Variants in FAM107B observed in about 807,000 individuals in gnomAD.
FAM107B encodes family with sequence similarity 107 member B, also known as protein FAM107B.
Under a neutral mutation model 31.5 loss-of-function variants are expected in FAM107B, and 21 were observed. The observed-to-expected ratio is 0.67, with a 90% CI of 0.47 to 0.96. The LOEUF (loss-of-function observed/expected upper bound fraction) is 0.96, where lower values mean the gene tolerates loss of function less well. Ranked by LOEUF, FAM107B falls within the 40% of genes least tolerant of loss-of-function variation. The probability of loss-of-function intolerance (pLI) is 0.00; values close to 1 mark genes in which losing one functional copy is unlikely to be tolerated. For missense variants in FAM107B, 452 were observed against 377.1 expected (o/e 1.20, Z -1.64); for synonymous variants, 157 against 141.5 (o/e 1.11, Z -0.78).
At chr10:14,723,040 A>G in intron 1 of FAM107B, 1 of 348,754 alleles carries the variant, frequency 2.9e-6, no homozygotes, top group Non-Finnish European at 5.5e-6. Flanking sequence ...TGTGTCTTAT[A>G]TTTAGGTCTT....
At chr10:14,683,397 C>G (rs1190045271) in intron 1 of FAM107B, among the ~76,000 whole-genome samples, 2 of 152,156 alleles carry the variant, frequency 1.3e-5, no homozygotes, top group Non-Finnish European at 2.9e-5. Flanking sequence ...TTGTGTGTTT[C>G]AAGGTTTAGA....
chr10:14,632,416 C>G (rs1853382390), intron 2 of FAM107B, among the ~76,000 whole-genome samples: 1 of 151,328 alleles, frequency 6.6e-6, no homozygotes, highest in Non-Finnish European at 1.5e-5. Context: ...TCGAGACCAT[C>G]CTGATTAACA....
At chr10:14,732,662 G>T (rs991324599) in intron 1 of FAM107B, among the ~76,000 whole-genome samples, 3 of 151,548 alleles carry the variant, frequency 2.0e-5, no homozygotes, top group African/African-American at 7.3e-5. Flanking sequence ...TCTTGCTGAT[G>T]GGAACATAGA....
chr10:14,773,780 C>T (rs192184411), intron 1 of FAM107B, among the ~76,000 whole-genome samples: 1 of 152,184 alleles, frequency 6.6e-6, no homozygotes, highest in Non-Finnish European at 1.5e-5. Flanking sequence ...TGATCATTTC[C>T]AAATTTTTCC....
chr10:14,657,512 C>A (rs1161061170), intron 2 of FAM107B, among the ~76,000 whole-genome samples: 2 of 152,096 alleles, frequency 1.3e-5, no homozygotes. Context: ...CAAATCTTCA[C>A]CCCCACCCCT....
chr10:14,628,108 G>T (rs1853212582), intron 2 of FAM107B, among the ~76,000 whole-genome samples: 1 of 100,440 alleles, frequency 1.0e-5, no homozygotes, highest in Admixed American at 1.0e-4. Context: ...TTTTTGTTTT[G>T]CTGGTTTTTT....
At chr10:14,610,109 C>T (rs1852691001) in intron 2 of FAM107B, among the ~76,000 whole-genome samples, 1 of 152,134 alleles carries the variant, frequency 6.6e-6, no homozygotes, top group Admixed American at 6.5e-5. Context: ...TTCCGGAGGC[C>T]GAGGCGGGTG....
intron 2 of FAM107B, among the ~76,000 whole-genome samples, chr10:14,653,600 G>C (rs1324279682): frequency 6.6e-6 from 1 of 151,912 alleles, no homozygotes; most frequent in African/African-American, 2.4e-5. Context: ...GTTATTTCTA[G>C]CTGTGCAGCC....
intron 1 of FAM107B, among the ~76,000 whole-genome samples, chr10:14,738,384 G>A (rs111526270): frequency 6.6e-5 from 10 of 152,304 alleles, no homozygotes; most frequent in African/African-American, 2.2e-4. Context: ...TAGAGAATCA[G>A]TTATTGACTA....
chr10:14,608,213 T>A (rs1205315183), intron 2 of FAM107B, among the ~76,000 whole-genome samples: 1 of 152,240 alleles, frequency 6.6e-6, no homozygotes, highest in African/African-American at 2.4e-5. Context: ...TGTTTTGACA[T>A]GTATACTCTT....
chr10:14,651,029 T>A (rs1488349532), intron 2 of FAM107B, among the ~76,000 whole-genome samples: 1 of 152,096 alleles, frequency 6.6e-6, no homozygotes, highest in Non-Finnish European at 1.5e-5. Context: ...AAGCAATGCT[T>A]TATTGGCCTC....
intron 2 of FAM107B, among the ~76,000 whole-genome samples, chr10:14,655,013 G>C (rs1410150765): frequency 6.6e-6 from 1 of 152,182 alleles, no homozygotes; most frequent in Non-Finnish European, 1.5e-5. Context: ...AGGTTGATTT[G>C]ACTCATGGTT....
intron 1 of FAM107B, among the ~76,000 whole-genome samples, chr10:14,766,891 T>C (rs1833173235): frequency 6.7e-6 from 1 of 150,116 alleles, no homozygotes; most frequent in Admixed American, 6.7e-5. Context: ...AAAGAATCTT[T>C]CTCAAACTCC....
chr10:14,530,366 C>T lies in FAM107B; in HGVS notation c.619G>A (p.Asp207Asn), dbSNP rs748855567. ...NPVKTSRNHQDLHRELLMNQK... is the reference protein window; with the variant it reads ...NPVKTSRNHQNLHRELLMNQK... ...TTCATAAGAAGTTCTCTGTGAAGAT[C>T]TTGATGGTTCCGGGAGGTTTTTACA... is the stretch of plus-strand genomic sequence containing the variant. Residue 207 changes from aspartate (D) to asparagine (N), a missense_variant, in exon 3 of 5, where the codon GAT becomes AAT. Coordinates refer to ENST00000181796, the MANE Select transcript of FAM107B (RefSeq NM_031453.4). 200 of 1,613,610 alleles carry T rather than the reference C, an allele frequency of 1.2e-4. No individual in the cohort carries two copies. Among genetic ancestry groups the T allele is most frequent in the Non-Finnish European group, 1.6e-4 (188 of 1,179,930 alleles).
intron 1 of FAM107B, among the ~76,000 whole-genome samples, chr10:14,691,922 A>C (rs1179397648): frequency 6.6e-6 from 1 of 150,434 alleles, no homozygotes; most frequent in African/African-American, 2.5e-5. Flanking sequence ...TTAAACTAGG[A>C]GTAGGCAGCA....
intron 1 of FAM107B, among the ~76,000 whole-genome samples, chr10:14,726,223 C>T (rs1856032401): frequency 6.6e-6 from 1 of 152,154 alleles, no homozygotes; most frequent in South Asian, 2.1e-4. Context: ...GAACTCTTGA[C>T]CTCAAGTGAT....
At chr10:14,639,705 C>T (rs886245463) in intron 2 of FAM107B, among the ~76,000 whole-genome samples, 4 of 152,106 alleles carry the variant, frequency 2.6e-5, no homozygotes, top group African/African-American at 7.2e-5. Context: ...ATGGCTTCCA[C>T]GGAGCATAGA....
At chr10:14,688,963 G>T (rs1485202165) in intron 1 of FAM107B, among the ~76,000 whole-genome samples, 2 of 152,198 alleles carry the variant, frequency 1.3e-5, no homozygotes, top group African/African-American at 4.8e-5. Context: ...GGACTTTATT[G>T]TAATCTAAGG....
chr10:14,593,915 A>C (rs1013212357), intron 2 of FAM107B, among the ~76,000 whole-genome samples: 9 of 152,232 alleles, frequency 5.9e-5, no homozygotes, highest in Admixed American at 2.6e-4. Context: ...GTTCGAGAGT[A>C]AAATGTATTA....
Sources: gnomAD v4.1 joint callset for allele counts (sites outside exome capture counted in the v4.1 genomes callset) on GRCh38, gnomAD v4.1.1 for gene constraint, MANE v1.5 for transcripts, NCBI Gene and HGNC (gene_info 2026-07-23, HGNC 2026-07-21) for gene names.